MICAL3: variants seen among roughly 807,000 people sequenced by gnomAD.
MICAL3 encodes [F-actin]-monooxygenase MICAL3.
MICAL3 carries 62 observed loss-of-function variants against 207.4 expected under a neutral mutation model. The ratio of observed to expected loss-of-function variants is 0.30; its 90% CI spans 0.24 to 0.37. The LOEUF (loss-of-function observed/expected upper bound fraction) is 0.37, where lower values mean the gene tolerates loss of function less well. MICAL3 is among the 10% of genes least tolerant of loss of function. The pLI, the probability that MICAL3 is intolerant of heterozygous loss-of-function variation, is 1.00. For missense variants in MICAL3, 2,368 were observed against 2,635.6 expected, an observed-to-expected ratio of 0.90 and a Z score of 2.22; for synonymous variants, 1,077 against 1,069.3, an observed-to-expected ratio of 1.01 and a Z score of -0.14.
chr22:17,918,294 T>C (rs1382743666), intron 1 of MICAL3, among the ~76,000 whole-genome samples: 2 of 151,534 alleles, frequency 1.3e-5, no homozygotes, highest in Admixed American at 1.3e-4. Flanking sequence ...AAAAAAACAT[T>C]GAGGACCCAA....
chr22:17,944,486 G>C (rs1933962289), intron 1 of MICAL3, among the ~76,000 whole-genome samples: 1 of 152,182 alleles, frequency 6.6e-6, no homozygotes, highest in African/African-American at 2.4e-5. Context: ...ATTACATTAA[G>C]TCCCGAACAA....
At chr22:17,799,782 A>G (rs1461815153) in intron 29 of MICAL3, among the ~76,000 whole-genome samples, 4 of 152,202 alleles carry the variant, frequency 2.6e-5, no homozygotes, top group Non-Finnish European at 4.4e-5. Flanking sequence ...TCTAGCATAC[A>G]CATAGTGGGG....
intron 1 of MICAL3, among the ~76,000 whole-genome samples, chr22:17,953,930 CAAAAAAAAAAAAAAAAAAAAAAAAAAA>C (rs59740388): frequency 3.5e-5 from 3 of 86,538 alleles, no homozygotes; most frequent in African/African-American, 1.2e-4. Context: ...GACTCCATCT[CAAAAAAAAAAAAAAAAAAAAAAAAAAA>C]AAAAAAAAAA....
At chr22:18,023,071 C>T (rs990256088) in intron 1 of MICAL3, among the ~76,000 whole-genome samples, 6 of 152,110 alleles carry the variant, frequency 3.9e-5, no homozygotes, top group Admixed American at 6.5e-5. Flanking sequence ...CATACCCTGC[C>T]CTCCAACGGC....
intron 28 of MICAL3, among the ~76,000 whole-genome samples, chr22:17,810,054 ATTTTTTTTTTT>A (rs758573402): frequency 9.4e-4 from 91 of 97,042 alleles, no homozygotes; most frequent in South Asian, 1.0e-3. Flanking sequence ...ATGCCTGGCT[ATTTTTTTTTTT>A]TTTTTTTTTT....
chr22:17,864,455 G>A, intron 19 of MICAL3: 2 of 1,420,516 alleles, frequency 1.4e-6, no homozygotes, highest in South Asian at 1.6e-5. Context: ...ACAGCTCCAG[G>A]CCGTCAGAGG....
chr22:17,880,179 C>G (rs1163486926), intron 16 of MICAL3, among the ~76,000 whole-genome samples: 1 of 152,190 alleles, frequency 6.6e-6, no homozygotes, highest in Non-Finnish European at 1.5e-5. Flanking sequence ...AGAGCGTAGC[C>G]CCGGTCCCAC....
chr22:17,945,007 CCTT>C (rs57221784), intron 1 of MICAL3, among the ~76,000 whole-genome samples: 3,457 of 116,150 alleles, frequency 0.03, 152 homozygotes, highest in African/African-American at 0.1. Flanking sequence ...CACTGGGGGA[CCTT>C]TTTTTTTTTT....
chr22:17,976,048 C>CA (rs35535653), intron 1 of MICAL3, among the ~76,000 whole-genome samples: 2,682 of 145,922 alleles, frequency 0.018, 72 homozygotes, highest in African/African-American at 0.059. Flanking sequence ...GACTGGGTCT[C>CA]AAAAAAAAAA....
chr22:17,879,330 G>T (rs1388677280), intron 16 of MICAL3: 1 of 1,602,594 alleles, frequency 6.2e-7, no homozygotes, highest in African/African-American at 1.3e-5. Flanking sequence ...CATGCCACGG[G>T]TTCATGCTCT....
intron 1 of MICAL3, among the ~76,000 whole-genome samples, chr22:17,949,334 C>T (rs1330564415): frequency 6.6e-6 from 1 of 152,244 alleles, no homozygotes; most frequent in Non-Finnish European, 1.5e-5. Context: ...AACACTGTGA[C>T]ATGATTCACC....
chr22:17,990,262 A>G (rs1254315269), intron 1 of MICAL3, among the ~76,000 whole-genome samples: 2 of 152,146 alleles, frequency 1.3e-5, no homozygotes, highest in Admixed American at 6.5e-5. Context: ...TCCCCCTTGG[A>G]GGGCACTGTT....
At chr22:17,836,788 G>C (rs1346345391) in intron 20 of MICAL3, among the ~76,000 whole-genome samples, 1 of 151,934 alleles carries the variant, frequency 6.6e-6, no homozygotes, top group Non-Finnish European at 1.5e-5. Flanking sequence ...GGGACTACTC[G>C]GCCCGCCACC....
chr22:17,968,438 C>T (rs1226601191), intron 1 of MICAL3, among the ~76,000 whole-genome samples: 2 of 152,172 alleles, frequency 1.3e-5, no homozygotes, highest in Non-Finnish European at 2.9e-5. Flanking sequence ...CGCCAGAGCT[C>T]CACAGTCGCA....
In MICAL3 at chr22:17,841,894, G is replaced by A. The variant is rs750595370; in HGVS notation, c.2729C>T (p.Pro910Leu). 1.5e-5 allele frequency: 23 copies of A among 1,584,246 alleles called. No individual in the cohort carries two copies. Among genetic ancestry groups the A allele is most frequent in the South Asian group, 4.6e-5 (4 of 86,814 alleles). The change falls in exon 20 of 32, where the codon CCG becomes CTG. Residue 910 changes from proline to leucine, a missense_variant. Pro to Leu is a moderately conservative substitution (Grantham distance 98). Around this residue, in one of 4 missense-constraint regions of MICAL3, gnomAD observed 1,770 missense variants for 1,863.2 expected, o/e 0.95. Coordinates refer to ENST00000441493, the MANE Select transcript of MICAL3 (RefSeq NM_015241.3). This position sits in a 1 kb window ranked among gnomAD's most constrained non-coding sequence, Gnocchi z 4.2. Reference sequence around the variant, plus strand: ...GTTGTGCTCGGCCTGAGTCTCCTCCGGTACCTCCTGCAGTGCCTCAGCCTG... The same window carrying A: ...GTTGTGCTCGGCCTGAGTCTCCTCCAGTACCTCCTGCAGTGCCTCAGCCTG... ...LRQAEALQEV[P>L]EETQAEHNLS...
chr22:17,845,468 G>A (rs990507920), intron 19 of MICAL3, among the ~76,000 whole-genome samples: 1 of 152,136 alleles, frequency 6.6e-6, no homozygotes, highest in Admixed American at 6.5e-5. Flanking sequence ...TCGGTACGAC[G>A]TGTCAAGTAC....
intron 1 of MICAL3, among the ~76,000 whole-genome samples, chr22:17,962,943 G>C (rs7286219): frequency 0.2 from 30,359 of 151,858 alleles, 3,186 homozygotes; most frequent in Middle Eastern, 0.27. Context: ...TTTAGAGACA[G>C]GGTCTCACTA....
At chr22:17,819,176 C>G (rs775368756) in intron 25 of MICAL3, 47 bp from the exon 26 acceptor site, 1 of 1,414,728 alleles carries the variant, frequency 7.1e-7, no homozygotes. Context: ...TGGGCTTTCA[C>G]GACCAGCAGC....
intron 16 of MICAL3, chr22:17,875,481 C>T (rs745375969): frequency 5.8e-6 from 9 of 1,547,774 alleles, no homozygotes; most frequent in African/African-American, 4.1e-5. Flanking sequence ...AGAGGCGGGG[C>T]GGGCAGAGGA....
Sources: allele counts gnomAD v4.1 joint callset (sites outside exome capture counted in the v4.1 genomes callset), GRCh38; gene constraint gnomAD v4.1.1; regional missense constraint gnomAD v4.1.1; non-coding constraint Gnocchi (gnomAD v3.1); transcripts MANE v1.5; gene names NCBI Gene and HGNC (gene_info 2026-07-23, HGNC 2026-07-21).